FBXL20: variants seen among roughly 807,000 people sequenced by gnomAD.
FBXL20 encodes the protein F-box and leucine rich repeat protein 20.
FBXL20 carries 11 observed loss-of-function variants against 64.0 expected under a neutral mutation model. The ratio of observed to expected loss-of-function variants is 0.17; its 90% CI spans 0.11 to 0.28. FBXL20 has a LOEUF of 0.28. Ranked by LOEUF, FBXL20 falls within the 10% of genes least tolerant of loss-of-function variation. The pLI is 1.00. For missense variants in FBXL20, 303 were observed against 526.2 expected (o/e 0.58, Z 4.15); for synonymous variants, 184 against 189.0 (o/e 0.97, Z 0.22).
At chr17:39,377,723 C>T (rs2047981688) in intron 1 of FBXL20, among the ~76,000 whole-genome samples, 1 of 152,080 alleles carries the variant, frequency 6.6e-6, no homozygotes, top group South Asian at 2.1e-4. Context: ...AGGATGGTCT[C>T]GATCTCCTGA....
chr17:39,377,436 C>T (rs1185374594), intron 1 of FBXL20, among the ~76,000 whole-genome samples: 1 of 151,992 alleles, frequency 6.6e-6, no homozygotes, highest in Non-Finnish European at 1.5e-5. Context: ...AATAAAACTC[C>T]CGTTTCCCGC....
Position 39,260,390 on chromosome 17 carries a change from T to C in FBXL20, c.*1070A>G, listed in dbSNP as rs1475423996. On this transcript the variant is annotated 3_prime_UTR_variant, in exon 15 of 15. Coordinates refer to ENST00000264658, the MANE Select transcript of FBXL20 (RefSeq NM_032875.3). ...TCTCTCTCTTTCCTTATGATACAGT[T>C]GGTGGAGTCTGACAGAAGGAAGAAT... is the stretch of plus-strand genomic sequence containing the variant. The C allele has an allele frequency of 6.6e-6, 1 of 152,166 alleles. No individual in the cohort carries two copies. The highest frequency in any genetic ancestry group is 1.5e-5 in the Non-Finnish European group (1 of 68,038). The allele number at this position is 152,166 out of a possible 1,614,324, so 9.4% of individuals were successfully genotyped here.
intron 3 of FBXL20, among the ~76,000 whole-genome samples, chr17:39,303,236 T>C (rs2047153364): frequency 1.4e-5 from 2 of 140,702 alleles, no homozygotes; most frequent in Admixed American, 7.2e-5. Context: ...AAGATTAAAA[T>C]TGTCCTTGTG....
chr17:39,313,114 T>C (rs535213248), intron 2 of FBXL20, among the ~76,000 whole-genome samples: 15 of 150,392 alleles, frequency 1.0e-4, no homozygotes, highest in Admixed American at 2.0e-4. Context: ...AGATGGGGTT[T>C]CACCATGTTC....
At position 39,273,278 on chromosome 17, in the gene FBXL20, AGT is replaced by A. The variant is rs757961245; in HGVS notation, c.827+1690_827+1691del. Among the ~76,000 whole-genome samples the A allele has an allele frequency of 2.0e-5, 3 of 152,186 alleles. No homozygotes were observed. The South Asian group carries it at 6.2e-4, about 32-fold the overall frequency. On this transcript the variant is annotated intron_variant, in intron 10 of 14. Coordinates refer to ENST00000264658, the MANE Select transcript of FBXL20 (RefSeq NM_032875.3). ...TGATCCGCCCGCCTCAGCCTCCCAA[AGT>A]GTTGGGATTACAGGTGTGAGCCACT...
chr17:39,352,747 T>C lies in FBXL20; in HGVS notation c.43-9506A>G, dbSNP rs142380889. On this transcript the variant is annotated intron_variant, in intron 1 of 14. Coordinates refer to ENST00000264658, the MANE Select transcript of FBXL20 (RefSeq NM_032875.3). ...AATACTTGTTCAACAGTGACCCCTA[T>C]TGCTTAAATTAAATCTACTAAGTAC... 4.0e-5 allele frequency among the ~76,000 whole-genome samples: 6 copies of C among 151,732 alleles called. No homozygotes were observed. The East Asian group carries it at 7.7e-4, about 20-fold the overall frequency.
chr17:39,389,320 C>T (rs1476238645), intron 1 of FBXL20, among the ~76,000 whole-genome samples: 1 of 152,088 alleles, frequency 6.6e-6, no homozygotes, highest in Non-Finnish European at 1.5e-5. Context: ...TGCTTTTCTA[C>T]AAGTGGGTGG....
chr17:39,274,359 C>T lies in FBXL20; in HGVS notation c.827+611G>A, dbSNP rs1205011174. Among the ~76,000 whole-genome samples, 5 of 152,170 alleles carry T rather than the reference C, an allele frequency of 3.3e-5. No homozygotes were observed. The East Asian group carries it at 7.7e-4, about 23-fold the overall frequency. On this transcript the variant is annotated intron_variant, in intron 10 of 14. Coordinates refer to ENST00000264658, the MANE Select transcript of FBXL20 (RefSeq NM_032875.3). ...ATTGAGGCAGGCATACACAACACTACCTCAAAAGACAGTAACAGGCTGGGC... is the reference window on the plus strand; with the variant it reads ...ATTGAGGCAGGCATACACAACACTATCTCAAAAGACAGTAACAGGCTGGGC...
intron 2 of FBXL20, among the ~76,000 whole-genome samples, chr17:39,317,701 GTT>G (rs1238194174): frequency 8.8e-4 from 39 of 44,266 alleles, no homozygotes; most frequent in African/African-American, 3.5e-3. Context: ...TTTTTTTTTT[GTT>G]TTTTTTTTTT....
At chr17:39,273,760 C>T (rs187617492) in intron 10 of FBXL20, among the ~76,000 whole-genome samples, 29 of 148,430 alleles carry the variant, frequency 2.0e-4, no homozygotes, top group African/African-American at 7.2e-4. Flanking sequence ...ACGGAGGTTG[C>T]AGTGAGCCGA....
chr17:39,319,360 A>G (rs2047327941), intron 2 of FBXL20, among the ~76,000 whole-genome samples: 1 of 152,022 alleles, frequency 6.6e-6, no homozygotes, highest in Non-Finnish European at 1.5e-5. Context: ...ACCTTACAAA[A>G]TGGCCACTAA....
In FBXL20 at chr17:39,261,290, G is replaced by T; in HGVS notation, c.*170C>A. 3.3e-6 allele frequency: 2 copies of T among 607,376 alleles called. No homozygotes were observed. The highest frequency in any genetic ancestry group is 6.0e-6 in the Non-Finnish European group (2 of 333,024). 37.6% of individuals were successfully genotyped at this position (607,376 alleles called of 1,614,324 possible). A position where few individuals can be genotyped will look rare whatever the true frequency, so the allele number is the denominator to read the frequency against. ...GGTCACAAAGCTAGAGTGGATGGGG[G>T]TAAGGGTGTGTATGTGTATGTATGT... On this transcript the variant is annotated 3_prime_UTR_variant, in exon 15 of 15. Coordinates refer to ENST00000264658, the MANE Select transcript of FBXL20 (RefSeq NM_032875.3).
At chr17:39,385,140 T>C (rs1483364165) in intron 1 of FBXL20, among the ~76,000 whole-genome samples, 2 of 152,102 alleles carry the variant, frequency 1.3e-5, no homozygotes, top group Non-Finnish European at 2.9e-5. Flanking sequence ...GAGGACTGCT[T>C]GAGCCTAGGA....
intron 6 of FBXL20, among the ~76,000 whole-genome samples, chr17:39,293,947 C>G (rs2047062715): frequency 6.6e-6 from 1 of 151,788 alleles, no homozygotes; most frequent in African/African-American, 2.4e-5. Context: ...TGCTTGGGCT[C>G]CCCCTCCCTC....
chr17:39,300,933 T>G, intron 4 of FBXL20, 68 bp downstream of exon 4: 1 of 1,419,930 alleles, frequency 7.0e-7, no homozygotes, highest in East Asian at 2.3e-5. Context: ...TTAATATGGC[T>G]AGGGCTAATC....
chr17:39,298,953 T>C, intron 5 of FBXL20, 37 bp downstream of exon 5: 1 of 1,538,648 alleles, frequency 6.5e-7, no homozygotes, highest in Non-Finnish European at 9.0e-7. Flanking sequence ...TGCTCTTCAC[T>C]TCCATCAAGA....
At chr17:39,331,914 C>T (rs1452095995) in intron 2 of FBXL20, among the ~76,000 whole-genome samples, 2 of 152,120 alleles carry the variant, frequency 1.3e-5, no homozygotes, top group Non-Finnish European at 2.9e-5. Context: ...AACAAAATAC[C>T]TCAGACTGGG....
At position 39,275,000 on chromosome 17, in the gene FBXL20, T is replaced by C. The variant is rs1237147295; in HGVS notation, c.797A>G (p.Asn266Ser). ...GCSNITDAIL[N>S]ALGQNCPRLR... ...CCGTGGGCAGTTCTGACCTAGAGCA[T>C]TCAGGATGGCATCTGTGATGTTGGA... Residue 266 changes from asparagine to serine, a missense_variant, in exon 10 of 15, where the codon AAT becomes AGT. Physicochemically the swap from Asn to Ser is conservative, Grantham distance 46 (BLOSUM62 1). This residue lies in a region of FBXL20 where 246 missense variants were observed against 422.6 expected (regional missense o/e 0.58). Coordinates refer to ENST00000264658, the MANE Select transcript of FBXL20 (RefSeq NM_032875.3). 9 of 1,614,140 alleles carry C rather than the reference T, an allele frequency of 5.6e-6. No individual in the cohort carries two copies. The South Asian group carries it at 9.9e-5, about 18-fold the overall frequency.
At chr17:39,297,080 A>G (rs1369741527) in intron 6 of FBXL20, 47 bp downstream of exon 6, 5 of 1,354,372 alleles carry the variant, frequency 3.7e-6, no homozygotes, top group Non-Finnish European at 5.1e-6. Context: ...TGTATCAGCC[A>G]GACATAAGGG....
Sources: allele counts gnomAD v4.1 joint callset (sites outside exome capture counted in the v4.1 genomes callset), GRCh38; gene constraint gnomAD v4.1.1; regional missense constraint gnomAD v4.1.1; transcripts MANE v1.5; gene names NCBI Gene and HGNC (gene_info 2026-07-23, HGNC 2026-07-21).